Variants in ATP1B3 observed in about 807,000 individuals in gnomAD.
The protein encoded by ATP1B3 is ATPase Na+/K+ transporting subunit beta 3.
In ATP1B3, 10 loss-of-function variants were observed where a neutral mutation model predicts 30.2. The observed-to-expected ratio is 0.33, with a 90% confidence interval of 0.20 to 0.56. The LOEUF is 0.56. Among genes scored for constraint, ATP1B3 ranks in the 20% least tolerant of loss-of-function variants. The probability of loss-of-function intolerance (pLI) is 0.90; values close to 1 mark genes in which losing one functional copy is unlikely to be tolerated. For missense variants in ATP1B3, 238 were observed against 336.7 expected, an observed-to-expected ratio of 0.71 and a Z score of 2.29; for synonymous variants, 113 against 117.0, an observed-to-expected ratio of 0.97 and a Z score of 0.22.
intron 6 of ATP1B3, among the ~76,000 whole-genome samples, chr3:141,923,468 G>T (rs542834613): frequency 2.3e-4 from 35 of 152,316 alleles, no homozygotes; most frequent in African/African-American, 7.5e-4. Context: ...ACCAGATGCA[G>T]CTCCTTGATC....
chr3:141,899,166 C>G (rs1467292618), intron 1 of ATP1B3, among the ~76,000 whole-genome samples: 1 of 152,050 alleles, frequency 6.6e-6, no homozygotes, highest in Non-Finnish European at 1.5e-5. Flanking sequence ...TTATACAACT[C>G]TGAATATAAA....
rs377453333 is a variant in ATP1B3, at chr3:141,876,756, C to T, written c.-46C>T. On this transcript the variant is annotated 5_prime_UTR_variant, in exon 1 of 7. Transcript: ENST00000286371. ...GACGCGCCTCCGCAGCCCTCGCCGCCTCCATCCCCGCGGCCGCAGCTCCTC... is the reference window on the plus strand; with the variant it reads ...GACGCGCCTCCGCAGCCCTCGCCGCTTCCATCCCCGCGGCCGCAGCTCCTC... 6.0e-5 allele frequency: 91 copies of T among 1,506,490 alleles called. No individual in the cohort carries two copies. The Admixed American group carries it at 1.4e-3, about 24-fold the overall frequency. 93.3% of individuals were successfully genotyped at this position (1,506,490 alleles called of 1,614,324 possible).
chr3:141,908,087 T>TA (rs1934294598), intron 3 of ATP1B3, among the ~76,000 whole-genome samples: 2 of 149,600 alleles, frequency 1.3e-5, no homozygotes, highest in African/African-American at 2.5e-5. Context: ...TTTTTTTTTT[T>TA]TTATTATACT....
intron 1 of ATP1B3, among the ~76,000 whole-genome samples, chr3:141,889,750 A>AAATAT (rs1553743802): frequency 1.3e-5 from 1 of 79,090 alleles, no homozygotes; most frequent in African/African-American, 4.7e-5. Flanking sequence ...AAAAAAAAAA[A>AAATAT]ATATATACAC....
chr3:141,918,181 T>C (rs1018636669), intron 5 of ATP1B3: 1 of 152,228 alleles, frequency 6.6e-6, no homozygotes, highest in Middle Eastern at 3.2e-3. Context: ...GGGTAACCCT[T>C]TGTGATCCTC....
At chr3:141,903,864 C>G in intron 2 of ATP1B3, 116 bp downstream of exon 2, 1 of 1,225,058 alleles carries the variant, frequency 8.2e-7, no homozygotes, top group East Asian at 2.7e-5. Context: ...TCACTGCAAC[C>G]TCTGCCTCCC....
intron 1 of ATP1B3, among the ~76,000 whole-genome samples, chr3:141,886,023 A>G (rs1275393834): frequency 6.6e-6 from 1 of 152,038 alleles, no homozygotes; most frequent in Non-Finnish European, 1.5e-5. Flanking sequence ...GACTTAAGCA[A>G]TGTAGCCCAC....
rs756133656 is a variant in ATP1B3, at chr3:141,913,831, AAC to A, written c.528_529del (p.Asn176LysfsTer8). 6.2e-7 allele frequency: 1 copy of A among 1,612,110 alleles called. No homozygotes were observed. The highest frequency in any genetic ancestry group is 1.7e-5 in the Admixed American group (1 of 59,686). ...QGNPCILVKM[N>X]RIIGLKPEGV... ...AAACCCTTGTATTCTTGTGAAAATGAACAGAGTACGTACATATTTTACCTCTG... is the reference window on the plus strand; with the variant it reads ...AAACCCTTGTATTCTTGTGAAAATGAAGAGTACGTACATATTTTACCTCTG... On this transcript the variant is annotated frameshift_variant, in exon 4 of 7. Coordinates refer to ENST00000286371, the MANE Select transcript of ATP1B3 (RefSeq NM_001679.4). LOFTEE classifies it high-confidence loss of function.
At chr3:141,915,406 C>G (rs1345393777) in intron 4 of ATP1B3, among the ~76,000 whole-genome samples, 1 of 152,204 alleles carries the variant, frequency 6.6e-6, no homozygotes, top group African/African-American at 2.4e-5. Flanking sequence ...AAAAAATTAT[C>G]TCACAAAATG....
intron 1 of ATP1B3, among the ~76,000 whole-genome samples, chr3:141,880,909 T>A (rs1348364070): frequency 6.6e-6 from 1 of 152,132 alleles, no homozygotes; most frequent in Non-Finnish European, 1.5e-5. Context: ...AGAGATTTTT[T>A]AAAAAACAAA....
chr3:141,880,568 A>G (rs766204631), intron 1 of ATP1B3, among the ~76,000 whole-genome samples: 4 of 152,182 alleles, frequency 2.6e-5, no homozygotes, highest in Non-Finnish European at 5.9e-5. Flanking sequence ...GTGTTATTTA[A>G]ACTACTAGTA....
intron 5 of ATP1B3, among the ~76,000 whole-genome samples, chr3:141,920,315 TAAG>T (rs1360512189): frequency 6.6e-6 from 1 of 152,022 alleles, no homozygotes; most frequent in Non-Finnish European, 1.5e-5. Context: ...TCACTTGAGG[TAAG>T]GAGTTTGAGA....
intron 1 of ATP1B3, chr3:141,877,643 T>C (rs1461951282): frequency 6.6e-6 from 1 of 151,686 alleles, no homozygotes; most frequent in African/African-American, 2.4e-5. Flanking sequence ...GTAAATCCTG[T>C]CTGAACAACA....
At chr3:141,893,228 C>T (rs1203063049) in intron 1 of ATP1B3, among the ~76,000 whole-genome samples, 1 of 152,054 alleles carries the variant, frequency 6.6e-6, no homozygotes, top group Non-Finnish European at 1.5e-5. Flanking sequence ...AAGCTGGTCT[C>T]GAACTCCTGA....
At chr3:141,915,269 C>T (rs1251203334) in intron 4 of ATP1B3, among the ~76,000 whole-genome samples, 4 of 152,214 alleles carry the variant, frequency 2.6e-5, no homozygotes, top group African/African-American at 4.8e-5. Context: ...GATGAGCTTA[C>T]GTAGTGTAGC....
At chr3:141,877,730 G>C (rs1325880307) in intron 1 of ATP1B3, among the ~76,000 whole-genome samples, 5 of 150,934 alleles carry the variant, frequency 3.3e-5, no homozygotes, top group African/African-American at 9.7e-5. Context: ...TTCTATGCGT[G>C]AGCTCTTTGT....
chr3:141,904,530 T>A (rs2068230), intron 2 of ATP1B3, among the ~76,000 whole-genome samples: 88,061 of 151,508 alleles, frequency 0.58, 27,029 homozygotes, highest in African/African-American at 0.8. Flanking sequence ...AATTGGTAAG[T>A]TGTTAAATAA....
chr3:141,901,171 T>G (rs1934156486), intron 1 of ATP1B3, among the ~76,000 whole-genome samples: 1 of 152,216 alleles, frequency 6.6e-6, no homozygotes, highest in Admixed American at 6.5e-5. Flanking sequence ...TAGGTACTAT[T>G]TAGGCTGTAT....
intron 2 of ATP1B3, among the ~76,000 whole-genome samples, chr3:141,906,748 G>C (rs901083929): frequency 1.3e-5 from 2 of 152,184 alleles, no homozygotes; most frequent in Non-Finnish European, 2.9e-5. Context: ...GCTGTCTTAT[G>C]AATGTTTCCA....
Sources: gnomAD v4.1 joint callset for allele counts (sites outside exome capture counted in the v4.1 genomes callset) on GRCh38, gnomAD v4.1.1 for gene constraint, MANE v1.5 for transcripts, NCBI Gene and HGNC (gene_info 2026-07-23, HGNC 2026-07-21) for gene names.